The following ZNF248 variants were observed in gnomAD, a reference collection of about 807,000 sequenced individuals.
ZNF248 encodes zinc finger protein 248, also known as KRAB protein domain.
In ZNF248, 20 loss-of-function variants were observed where a neutral mutation model predicts 44.3. That is an observed-to-expected ratio of 0.45 (90% CI 0.32 to 0.66). ZNF248 has a LOEUF of 0.66. Among genes scored for constraint, ZNF248 ranks in the 30% least tolerant of loss-of-function variants. The pLI is 0.04. For missense variants in ZNF248, 654 were observed against 677.0 expected (o/e 0.97, Z 0.38); for synonymous variants, 224 against 229.0 (o/e 0.98, Z 0.20).
At chr10:37,771,614 C>T (rs1218060916), downstream of ZNF248, among the ~76,000 whole-genome samples, 9 of 95,424 alleles carry the variant, frequency 9.4e-5, no homozygotes, top group African/African-American at 3.4e-4. Context: ...TCACACTCCG[C>T]GGACTGTTGT....
intron 6 of ZNF248, among the ~76,000 whole-genome samples, chr10:37,809,435 G>A (rs562837769): frequency 3.9e-5 from 6 of 152,022 alleles, no homozygotes; most frequent in Non-Finnish European, 7.4e-5. Flanking sequence ...CCGCCACCAT[G>A]CCTGGCTAAT....
chr10:37,833,235 G>T (rs975869169), intron 5 of ZNF248, 119 bp from the exon 6 acceptor site: 3 of 1,377,470 alleles, frequency 2.2e-6, no homozygotes, highest in Non-Finnish European at 2.8e-6. Flanking sequence ...CAGTTTCCTG[G>T]TGTGAACTGA....
chr10:37,810,011 T>C (rs576530651), intron 6 of ZNF248, among the ~76,000 whole-genome samples: 6 of 152,262 alleles, frequency 3.9e-5, no homozygotes, highest in Admixed American at 6.5e-5. Flanking sequence ...TATTCTGTAG[T>C]AGTTGTTGTT....
At chr10:37,826,574 TAA>T (rs533059302), downstream of ZNF248, among the ~76,000 whole-genome samples, 1 of 152,196 alleles carries the variant, frequency 6.6e-6, no homozygotes, top group Non-Finnish European at 1.5e-5. Context: ...ATAGGAACTT[TAA>T]AATATTTTTA....
the ZNF248 span, among the ~76,000 whole-genome samples, chr10:37,765,130 T>A: frequency 6.6e-6 from 1 of 151,714 alleles, no homozygotes; most frequent in African/African-American, 2.4e-5. Context: ...AATTTTTTTT[T>A]ATTTTTAGTA....
intron 6 of ZNF248, among the ~76,000 whole-genome samples, chr10:37,817,804 C>G (rs1286957013): frequency 6.6e-6 from 1 of 152,106 alleles, no homozygotes; most frequent in African/African-American, 2.4e-5. Context: ...CCCAGCTGAG[C>G]CTTTGTGCTA....
At chr10:37,780,860 C>A (rs914456744) in intron 6 of ZNF248, among the ~76,000 whole-genome samples, 1 of 151,866 alleles carries the variant, frequency 6.6e-6, no homozygotes, top group African/African-American at 2.4e-5. Context: ...TGAATCCGCT[C>A]CCGGAGTGGT....
chr10:37,792,283 C>T (rs575550028), intron 6 of ZNF248, among the ~76,000 whole-genome samples: 1 of 152,226 alleles, frequency 6.6e-6, no homozygotes, highest in South Asian at 2.1e-4. Context: ...CTATAAACTT[C>T]CAGTGGCCAA....
intron 6 of ZNF248, among the ~76,000 whole-genome samples, chr10:37,816,379 C>T (rs1027655693): frequency 2.0e-5 from 3 of 152,214 alleles, no homozygotes; most frequent in Non-Finnish European, 2.9e-5. Flanking sequence ...CTGGCTTCAG[C>T]AAGCTGCTTC....
downstream of ZNF248, among the ~76,000 whole-genome samples, chr10:37,825,137 T>C (rs1192072239): frequency 6.6e-6 from 1 of 152,146 alleles, no homozygotes; most frequent in Non-Finnish European, 1.5e-5. Flanking sequence ...CCATTGTTCC[T>C]CTAAAAAGGT....
intron 6 of ZNF248, among the ~76,000 whole-genome samples, chr10:37,798,204 C>T (rs1286311541): frequency 2.0e-5 from 3 of 152,074 alleles, no homozygotes; most frequent in Non-Finnish European, 2.9e-5. Flanking sequence ...TGAAAGAAGT[C>T]GGACACCAAA....
rs180698801 is a variant in ZNF248 at position 37,856,333 on chromosome 10, G to T, written c.-23C>A. The T allele has an allele frequency of 1.1e-5, 18 of 1,613,338 alleles. No homozygotes were observed. The Admixed American group carries it at 2.8e-4, about 25-fold the overall frequency. On this transcript the variant is annotated 5_prime_UTR_variant, in exon 3 of 6. Coordinates refer to ENST00000395867, the MANE Select transcript of ZNF248 (RefSeq NM_021045.3). ...CATTTTCCGCTCTTAGTGGAGGAAG[G>T]AGAGCTGAAGGATTAGAAAGGAAGA...
the ZNF248 span, among the ~76,000 whole-genome samples, chr10:37,768,034 A>G: frequency 6.6e-6 from 1 of 152,234 alleles, no homozygotes; most frequent in South Asian, 2.1e-4. Context: ...AAAGAAGGCC[A>G]TTACGTAATA....
Position 37,829,838 on chromosome 10 carries a change from T to C in ZNF248, c.*1777A>G. 1.0e-6 allele frequency: 1 copy of C among 985,408 alleles called. No homozygotes were observed. Among genetic ancestry groups the C allele is most frequent in the Non-Finnish European group, 1.2e-6 (1 of 829,932 alleles). 61.0% of individuals were successfully genotyped at this position (985,408 alleles called of 1,614,324 possible). A position where few individuals can be genotyped will look rare whatever the true frequency, so the allele number is the denominator to read the frequency against. ...TCCCAAACATCTCATTGCTCCCAAGTTCACCCCAACAGAATCATTAAAATG... is the reference window on the plus strand; with the variant it reads ...TCCCAAACATCTCATTGCTCCCAAGCTCACCCCAACAGAATCATTAAAATG... On this transcript the variant is annotated 3_prime_UTR_variant, in exon 6 of 6. Transcript: ENST00000395867.
At chr10:37,794,678 T>C (rs892798375) in intron 6 of ZNF248, 14 of 161,966 alleles carry the variant, frequency 8.6e-5, no homozygotes, top group Middle Eastern at 1.6e-3. Context: ...CTCCTGTGTG[T>C]GTTCTCTGAT....
intron 6 of ZNF248, chr10:37,820,998 C>T (rs1012789720): frequency 1.3e-5 from 19 of 1,509,336 alleles, no homozygotes; most frequent in South Asian, 4.5e-5. Context: ...GCTGGCAGAG[C>T]GTCTCCCGAG....
chr10:37,843,423 C>CAAAA (rs530114229), intron 3 of ZNF248, among the ~76,000 whole-genome samples: 1 of 69,332 alleles, frequency 1.4e-5, no homozygotes, highest in African/African-American at 5.8e-5. Flanking sequence ...GACTCTGCCT[C>CAAAA]AAAAAAAAAA....
rs1204429338 is a variant in ZNF248, at chr10:37,830,859, G to A, written c.*756C>T. 5.2e-6 allele frequency: 1 copy of A among 191,690 alleles called. No homozygotes were observed. Among genetic ancestry groups the A allele is most frequent in the Non-Finnish European group, 1.0e-5 (1 of 99,552 alleles). The allele number at this position is 191,690 out of a possible 1,614,324, so 11.9% of individuals were successfully genotyped here. A position where few individuals can be genotyped will look rare whatever the true frequency, so the allele number is the denominator to read the frequency against. On this transcript the variant is annotated 3_prime_UTR_variant, in exon 6 of 6. Transcript: ENST00000395867. ...TAGCAAAATAATTAGGAAGTGATGA[G>A]TGCTGAGTATTTATTACCTTTGTTT...
At chr10:37,813,183 A>G (rs956575176) in intron 6 of ZNF248, among the ~76,000 whole-genome samples, 15 of 152,334 alleles carry the variant, frequency 9.8e-5, no homozygotes, top group African/African-American at 1.4e-4. Context: ...CGTAAGACGT[A>G]GAAGAACGTA....
Sources: gnomAD v4.1 joint callset for allele counts (sites outside exome capture counted in the v4.1 genomes callset) on GRCh38, gnomAD v4.1.1 for gene constraint, MANE v1.5 for transcripts, NCBI Gene and HGNC (gene_info 2026-07-23, HGNC 2026-07-21) for gene names.